The following TRPC1 variants were observed in gnomAD, a reference collection of about 807,000 sequenced individuals.
TRPC1 encodes transient receptor potential cation channel subfamily C member 1, also known as short transient receptor potential channel 1.
Under a neutral mutation model 88.2 loss-of-function variants are expected in TRPC1, and 42 were observed. That is an observed-to-expected ratio of 0.48 (90% CI 0.37 to 0.62). TRPC1 has a LOEUF of 0.62. Among genes scored for constraint, TRPC1 ranks in the 20% least tolerant of loss-of-function variants. The pLI, the probability that TRPC1 is intolerant of heterozygous loss-of-function variation, is 0.00. For missense variants in TRPC1, 699 were observed against 957.3 expected, an observed-to-expected ratio of 0.73 and a Z score of 3.56; for synonymous variants, 288 against 331.8, an observed-to-expected ratio of 0.87 and a Z score of 1.43.
Position 142,751,162 on chromosome 3 carries a change from T to C in TRPC1, c.632+2702T>C, listed in dbSNP as rs1204106281. 3.9e-5 allele frequency among the ~76,000 whole-genome samples: 6 copies of C among 152,170 alleles called. No individual in the cohort carries two copies. In the East Asian group the frequency reaches 1.2e-3, roughly 29 times the overall value. On this transcript the variant is annotated intron_variant, in intron 4 of 12. Coordinates refer to ENST00000476941, the MANE Select transcript of TRPC1 (RefSeq NM_001251845.2). ...ATACATTTAGGGTAGCCTAAGTGTA[T>C]AGTTATTATAAAGCCTGTAGTAGTA... is the stretch of plus-strand genomic sequence containing the variant.
chr3:142,801,029 T>G (rs1936603806), intron 9 of TRPC1, among the ~76,000 whole-genome samples: 1 of 152,154 alleles, frequency 6.6e-6, no homozygotes, highest in South Asian at 2.1e-4. Flanking sequence ...CCTATGCATA[T>G]TAAAGCATAT....
chr3:142,759,989 A>G (rs1935123977), intron 4 of TRPC1, among the ~76,000 whole-genome samples: 1 of 151,948 alleles, frequency 6.6e-6, no homozygotes, highest in Admixed American at 6.6e-5. Flanking sequence ...ACGCCCGGCT[A>G]ATTTTTTTGT....
rs2108171917 is a variant in TRPC1, at chr3:142,806,235, A to G, written c.2382A>G (p.Ter794=). 1 of 1,596,544 alleles carries G rather than the reference A, an allele frequency of 6.3e-7. No homozygotes were observed. The highest frequency in any genetic ancestry group is 2.3e-5 in the East Asian group (1 of 44,392). Residue 794 remains the stop codon, a stop_retained_variant, in exon 13 of 13, where the codon TAA becomes TAG. Transcript: ENST00000476941. The stretch of plus-strand genomic sequence containing the variant: ...ATGCTATGTTTTATCCAAGAAATTA[A>G]CCATTTTCTAAATCATGGAGCGAAT... ...SKYAMFYPRN[*] is the part of the protein sequence containing the mutation.
At chr3:142,782,932 C>T (rs1226670155) in intron 6 of TRPC1, among the ~76,000 whole-genome samples, 1 of 152,128 alleles carries the variant, frequency 6.6e-6, no homozygotes, top group Non-Finnish European at 1.5e-5. Flanking sequence ...AGCAGGTGTT[C>T]CAGTGAGCAA....
Position 142,757,290 on chromosome 3 carries a change from T to A in TRPC1, c.632+8830T>A, listed in dbSNP as rs183395028. On this transcript the variant is annotated intron_variant, in intron 4 of 12. Transcript: ENST00000476941. The stretch of plus-strand genomic sequence containing the variant: ...TGGATCATATGGTAGTTCTTTTTTT[T>A]AAAAAAAAATTATGTTTAAAATAAT... 3.5e-3 allele frequency among the ~76,000 whole-genome samples: 525 copies of A among 151,460 alleles called. 2 individuals are homozygous for A. Among genetic ancestry groups the A allele is most frequent in the African/African-American group, 9.5e-3 (394 of 41,274 alleles).
chr3:142,758,123 T>C (rs1935041754), intron 4 of TRPC1, among the ~76,000 whole-genome samples: 1 of 152,182 alleles, frequency 6.6e-6, no homozygotes, highest in South Asian at 2.1e-4. Flanking sequence ...CCCACCACCC[T>C]CATATGGTAG....
intron 3 of TRPC1, among the ~76,000 whole-genome samples, chr3:142,744,246 A>T (rs1284834631): frequency 6.6e-6 from 1 of 152,138 alleles, no homozygotes; most frequent in Non-Finnish European, 1.5e-5. Context: ...TTTACTTATT[A>T]AAGTTGAAAA....
chr3:142,779,140 A>G (rs1238493383), intron 5 of TRPC1, among the ~76,000 whole-genome samples: 1 of 152,182 alleles, frequency 6.6e-6, no homozygotes, highest in Non-Finnish European at 1.5e-5. Flanking sequence ...TATAATCATA[A>G]AATAATAAAG....
chr3:142,770,483 C>T (rs765942854), intron 4 of TRPC1, among the ~76,000 whole-genome samples: 11 of 152,190 alleles, frequency 7.2e-5, no homozygotes, highest in Non-Finnish European at 1.2e-4. Context: ...TCTGATATTA[C>T]CATAGCCACT....
intron 4 of TRPC1, among the ~76,000 whole-genome samples, chr3:142,753,832 C>T (rs529031113): frequency 7.1e-4 from 108 of 151,822 alleles, no homozygotes; most frequent in South Asian, 5.2e-3. Flanking sequence ...TGGTGGCTCA[C>T]GCCTATAATC....
intron 2 of TRPC1, among the ~76,000 whole-genome samples, chr3:142,741,352 T>C (rs1276589938): frequency 6.6e-6 from 1 of 152,096 alleles, no homozygotes; most frequent in East Asian, 1.9e-4. Flanking sequence ...TTTTAAGCAT[T>C]GAAAGATTTA....
chr3:142,734,218 A>T (rs1216074210), intron 1 of TRPC1, among the ~76,000 whole-genome samples: 1 of 152,208 alleles, frequency 6.6e-6, no homozygotes, highest in Non-Finnish European at 1.5e-5. Context: ...CAGATAATTA[A>T]ACTGTCATAC....
At chr3:142,763,918 C>T (rs2108079142) in intron 4 of TRPC1, among the ~76,000 whole-genome samples, 1 of 142,744 alleles carries the variant, frequency 7.0e-6, no homozygotes, top group East Asian at 2.0e-4. Context: ...TATTGCAGTC[C>T]AGCCTGGGCA....
intron 1 of TRPC1, among the ~76,000 whole-genome samples, chr3:142,735,865 A>G (rs1203862014): frequency 1.3e-5 from 2 of 152,112 alleles, no homozygotes; most frequent in African/African-American, 4.8e-5. Context: ...TTGAATATAT[A>G]TGTATTTATA....
rs185336176 is a variant in TRPC1, at chr3:142,773,397, A to G, written c.633-4235A>G. The stretch of plus-strand genomic sequence containing the variant: ...AAGAGAAAAAGATTTCAAACTAGCC[A>G]TTATAAATATGCTCACAGTACTAAA... On this transcript the variant is annotated intron_variant, in intron 4 of 12. Coordinates refer to ENST00000476941, the MANE Select transcript of TRPC1 (RefSeq NM_001251845.2). Among the ~76,000 whole-genome samples, 12 of 152,156 alleles carry G rather than the reference A, an allele frequency of 7.9e-5. No individual in the cohort carries two copies. In the East Asian group the frequency reaches 2.1e-3, roughly 27 times the overall value.
intron 5 of TRPC1, among the ~76,000 whole-genome samples, chr3:142,779,317 G>A (rs1329818853): frequency 1.3e-5 from 2 of 152,116 alleles, no homozygotes; most frequent in African/African-American, 4.8e-5. Context: ...ATGACTCCTT[G>A]CTTCTGGTTT....
chr3:142,792,714 T>A lies in TRPC1; in HGVS notation c.1438-110T>A. The stretch of plus-strand genomic sequence containing the variant: ...CTATAAAACATAAGTGGAGATCCCC[T>A]ATAAGAAGACAAAATTAAAATGGCT... On this transcript the variant is annotated intron_variant, in intron 8 of 12. Coordinates refer to ENST00000476941, the MANE Select transcript of TRPC1 (RefSeq NM_001251845.2). This position sits in a 1 kb window ranked among gnomAD's most constrained non-coding sequence, Gnocchi z 4.0. 9.1e-7 allele frequency: 1 copy of A among 1,103,100 alleles called. No homozygotes were observed. Among genetic ancestry groups the A allele is most frequent in the Non-Finnish European group, 1.2e-6 (1 of 812,318 alleles). The allele number at this position is 1,103,100 out of a possible 1,614,324, so 68.3% of individuals were successfully genotyped here.
intron 9 of TRPC1, among the ~76,000 whole-genome samples, chr3:142,794,679 G>A (rs1046553956): frequency 2.0e-5 from 3 of 152,084 alleles, no homozygotes; most frequent in Non-Finnish European, 4.4e-5. Context: ...TCTCCCTTGA[G>A]TATTCAGCAG....
intron 2 of TRPC1, among the ~76,000 whole-genome samples, chr3:142,736,869 G>A (rs1249394436): frequency 1.3e-5 from 2 of 151,914 alleles, no homozygotes; most frequent in Non-Finnish European, 2.9e-5. Flanking sequence ...ATCTAAAATA[G>A]TACAAATACT....
Sources: allele counts gnomAD v4.1 joint callset (sites outside exome capture counted in the v4.1 genomes callset), GRCh38; gene constraint gnomAD v4.1.1; non-coding constraint Gnocchi (gnomAD v3.1); transcripts MANE v1.5; gene names NCBI Gene and HGNC (gene_info 2026-07-23, HGNC 2026-07-21).